AGAP1: variants seen among roughly 807,000 people sequenced by gnomAD.
AGAP1 encodes arf-GAP with GTPase, ANK repeat and PH domain-containing protein 1.
In AGAP1, 29 loss-of-function variants were observed where a neutral mutation model predicts 105.3. The observed-to-expected ratio is 0.28, with a 90% CI of 0.21 to 0.38. AGAP1 has a LOEUF of 0.38. AGAP1 is among the 10% of genes least tolerant of loss of function. The pLI, the probability that AGAP1 is intolerant of heterozygous loss-of-function variation, is 1.00. For missense variants in AGAP1, 998 were observed against 1,165.1 expected (o/e 0.86, Z 2.09); for synonymous variants, 509 against 485.9 (o/e 1.05, Z -0.63).
intron 6 of AGAP1, among the ~76,000 whole-genome samples, chr2:235,790,108 CA>C (rs34818644): frequency 3.3e-5 from 5 of 151,464 alleles, no homozygotes; most frequent in African/African-American, 7.3e-5. Flanking sequence ...AAGGTAGTGG[CA>C]AAAAAAATGA....
intron 13 of AGAP1, among the ~76,000 whole-genome samples, chr2:236,018,397 T>C (rs1270808533): frequency 1.3e-5 from 2 of 152,236 alleles, no homozygotes; most frequent in Admixed American, 1.3e-4. Flanking sequence ...GTGGACGTTG[T>C]GCAGGAGGAA....
At position 235,751,405 on chromosome 2, in the gene AGAP1, G is replaced by T. The variant is rs991967325; in HGVS notation, c.673+917G>T. ...CCTGTCCCCCTGCTCTGGTGCCCAG[G>T]GGGTTGTCGGGGGCAGAGCAGGGCA... On this transcript the variant is annotated intron_variant, in intron 6 of 17. Coordinates refer to ENST00000304032, the MANE Select transcript of AGAP1 (RefSeq NM_001037131.3). The surrounding 1 kb of genome is among the most constrained non-coding windows in gnomAD (Gnocchi z 5.3). Among the ~76,000 whole-genome samples the T allele has an allele frequency of 6.6e-6, 1 of 152,054 alleles. No individual in the cohort carries two copies. Among genetic ancestry groups the T allele is most frequent in the Non-Finnish European group, 1.5e-5 (1 of 68,002 alleles).
At position 235,971,784 on chromosome 2, in the gene AGAP1, T is replaced by TTGATTGATTG. The variant is rs1559711563; in HGVS notation, c.1645+3161_1645+3162insTGATTGATTG. Among the ~76,000 whole-genome samples the TTGATTGATTG allele has an allele frequency of 1.3e-5, 2 of 148,150 alleles. No individual in the cohort carries two copies. Among genetic ancestry groups the TTGATTGATTG allele is most frequent in the African/African-American group, 5.0e-5 (2 of 40,182 alleles). ...TTATTTATTTATTTATTTATTTATTTATTGTATTTTTTGAGACAGGTCCTC... is the reference window on the plus strand; with the variant it reads ...TTATTTATTTATTTATTTATTTATTTTGATTGATTGATTGTATTTTTTGAGACAGGTCCTC... On this transcript the variant is annotated intron_variant, in intron 13 of 17. Transcript: ENST00000304032. This position sits in a 1 kb window ranked among gnomAD's most constrained non-coding sequence, Gnocchi z 4.8.
rs2059452639 is a variant in AGAP1 at position 236,105,158 on chromosome 2, CA to C, written c.2115-15033del. Among the ~76,000 whole-genome samples, 1 of 152,160 alleles carries C rather than the reference CA, an allele frequency of 6.6e-6. No individual in the cohort carries two copies. ...GGGCTGACTTTCCAAGCCAGCAAGA[CA>C]TGCATTCAGGCTACCTACAAGGAAA... On this transcript the variant is annotated intron_variant, in intron 16 of 17. Coordinates refer to ENST00000304032, the MANE Select transcript of AGAP1 (RefSeq NM_001037131.3). This position sits in a 1 kb window ranked among gnomAD's most constrained non-coding sequence, Gnocchi z 4.2.
chr2:235,991,953 T>A (rs2055582327), intron 13 of AGAP1, among the ~76,000 whole-genome samples: 1 of 152,224 alleles, frequency 6.6e-6, no homozygotes, highest in African/African-American at 2.4e-5. Context: ...ACGCTTAGAA[T>A]CTTGCTGTCC....
intron 9 of AGAP1, among the ~76,000 whole-genome samples, chr2:235,828,098 G>T (rs1014984932): frequency 6.6e-6 from 1 of 152,192 alleles, no homozygotes; most frequent in Non-Finnish European, 1.5e-5. Flanking sequence ...TTGGTTTCCT[G>T]GGGACAAATG....
rs776111613 is a variant in AGAP1, at chr2:235,934,440, C to G, written c.1483+3517C>G. Among the ~76,000 whole-genome samples, 160 of 152,282 alleles carry G rather than the reference C, an allele frequency of 1.1e-3. No homozygotes were observed. Among genetic ancestry groups the G allele is most frequent in the Non-Finnish European group, 1.6e-3 (108 of 68,026 alleles). On this transcript the variant is annotated intron_variant, in intron 12 of 17. Coordinates refer to ENST00000304032, the MANE Select transcript of AGAP1 (RefSeq NM_001037131.3). The surrounding 1 kb of genome is among the most constrained non-coding windows in gnomAD (Gnocchi z 4.9). ...GTCCCTCTGGTTCGCGTCATTCCCC[C>G]CTTTAGTGTGCTGCTTCGTCAAGTG...
Position 236,107,010 on chromosome 2 carries a change from G to A in AGAP1, c.2115-13182G>A, listed in dbSNP as rs192627048. 7.9e-5 allele frequency among the ~76,000 whole-genome samples: 12 copies of A among 152,296 alleles called. No individual in the cohort carries two copies. In the East Asian group the frequency reaches 2.3e-3, roughly 29 times the overall value. ...GGAGGCTCAATGAGAGAGCACCCTGGGTAGGGTCTGGACCTGCTGTGTGGG... is the reference window on the plus strand; with the variant it reads ...GGAGGCTCAATGAGAGAGCACCCTGAGTAGGGTCTGGACCTGCTGTGTGGG... On this transcript the variant is annotated intron_variant, in intron 16 of 17. Transcript: ENST00000304032.
At position 235,965,261 on chromosome 2, in the gene AGAP1, C is replaced by T. The variant is rs1288344377; in HGVS notation, c.1484-3201C>T. On this transcript the variant is annotated intron_variant, in intron 12 of 17. Transcript: ENST00000304032. The surrounding 1 kb of genome is among the most constrained non-coding windows in gnomAD (Gnocchi z 5.8). The stretch of plus-strand genomic sequence containing the variant: ...CCGGGAAGAGAGGGTCAGGTAGAGC[C>T]AAGCCTGGAACTGGTGTTGGTGTCA... Among the ~76,000 whole-genome samples the T allele has an allele frequency of 6.6e-6, 1 of 152,142 alleles. No homozygotes were observed. Among genetic ancestry groups the T allele is most frequent in the African/African-American group, 2.4e-5 (1 of 41,450 alleles).
In AGAP1 at chr2:235,958,405, G is replaced by A. The variant is rs556882588; in HGVS notation, c.1484-10057G>A. The stretch of plus-strand genomic sequence containing the variant: ...GCTTGCAGAGATCAAGTGCACCTAC[G>A]CCCAGCACCTCCCCCAGCGGACACA... On this transcript the variant is annotated intron_variant, in intron 12 of 17. Coordinates refer to ENST00000304032, the MANE Select transcript of AGAP1 (RefSeq NM_001037131.3). This position sits in a 1 kb window ranked among gnomAD's most constrained non-coding sequence, Gnocchi z 4.1. Among the ~76,000 whole-genome samples the A allele has an allele frequency of 1.6e-4, 24 of 152,022 alleles. No homozygotes were observed. Among genetic ancestry groups the A allele is most frequent in the African/African-American group, 4.8e-4 (20 of 41,402 alleles).
At chr2:236,023,282 G>A (rs967557433) in intron 13 of AGAP1, among the ~76,000 whole-genome samples, 2 of 152,132 alleles carry the variant, frequency 1.3e-5, no homozygotes, top group African/African-American at 4.8e-5. Context: ...GCTTCCCTTT[G>A]TCATCCCGGG....
rs921406156 is a variant in AGAP1, at chr2:235,961,862, C to T, written c.1484-6600C>T. On this transcript the variant is annotated intron_variant, in intron 12 of 17. Coordinates refer to ENST00000304032, the MANE Select transcript of AGAP1 (RefSeq NM_001037131.3). The surrounding 1 kb of genome is among the most constrained non-coding windows in gnomAD (Gnocchi z 5.9). Reference sequence around the variant, plus strand: ...ACAGCCTGGTGACAGAGCAAGACTTCGTCACACACACGCACAAAAAAGTGA... The same window carrying T: ...ACAGCCTGGTGACAGAGCAAGACTTTGTCACACACACGCACAAAAAAGTGA... Among the ~76,000 whole-genome samples the T allele has an allele frequency of 1.1e-4, 17 of 152,174 alleles. No homozygotes were observed. Among genetic ancestry groups the T allele is most frequent in the Admixed American group, 8.5e-4 (13 of 15,282 alleles).
chr2:235,990,548 A>G (rs1445428646), intron 13 of AGAP1, among the ~76,000 whole-genome samples: 1 of 152,204 alleles, frequency 6.6e-6, no homozygotes, highest in Non-Finnish European at 1.5e-5. Flanking sequence ...GACCTCTGCA[A>G]GTGGCCTGGG....
intron 6 of AGAP1, among the ~76,000 whole-genome samples, chr2:235,790,220 CTAAA>C (rs1263024078): frequency 6.6e-6 from 1 of 152,122 alleles, no homozygotes; most frequent in Non-Finnish European, 1.5e-5. Context: ...CGGAGTTTAG[CTAAA>C]ACTGTATCAC....
chr2:235,946,144 C>T (rs2053488812), intron 12 of AGAP1, among the ~76,000 whole-genome samples: 1 of 151,840 alleles, frequency 6.6e-6, no homozygotes, highest in Non-Finnish European at 1.5e-5. Context: ...ATTTAAAATG[C>T]AGATAAGCTC....
intron 11 of AGAP1, among the ~76,000 whole-genome samples, chr2:235,928,223 C>T (rs974101250): frequency 1.1e-4 from 16 of 152,212 alleles, no homozygotes; most frequent in African/African-American, 2.4e-4. Context: ...TCAGAATTCA[C>T]GTGATGAAAG....
rs538497109 is a variant in AGAP1 at position 236,001,607 on chromosome 2, TGA to T, written c.1645+32988_1645+32989del. 6.6e-5 allele frequency among the ~76,000 whole-genome samples: 10 copies of T among 151,926 alleles called. No individual in the cohort carries two copies. In the East Asian group the frequency reaches 1.6e-3, roughly 24 times the overall value. On this transcript the variant is annotated intron_variant, in intron 13 of 17. Transcript: ENST00000304032. This position sits in a 1 kb window ranked among gnomAD's most constrained non-coding sequence, Gnocchi z 4.7. ...TTGCTGAAAGAGTTAATATGGGAAG[TGA>T]GAGGACACAGAGGCCAGGGCCGGGA...
At chr2:236,069,591 CTT>C (rs2058444701) in intron 16 of AGAP1, among the ~76,000 whole-genome samples, 1 of 152,004 alleles carries the variant, frequency 6.6e-6, no homozygotes, top group Non-Finnish European at 1.5e-5. Flanking sequence ...GCCTGGCTAA[CTT>C]TTGTATTTTT....
Position 235,659,278 on chromosome 2 carries a change from C to G in AGAP1, c.164-49901C>G, listed in dbSNP as rs80351478. Among the ~76,000 whole-genome samples, 9 of 152,098 alleles carry G rather than the reference C, an allele frequency of 5.9e-5. No homozygotes were observed. The highest frequency in any genetic ancestry group is 7.4e-5 in the Non-Finnish European group (5 of 68,018). On this transcript the variant is annotated intron_variant, in intron 1 of 17. Transcript: ENST00000304032. This position sits in a 1 kb window ranked among gnomAD's most constrained non-coding sequence, Gnocchi z 5.0. Reference sequence around the variant, plus strand: ...TTATGTCTTTCTATGTCTGTAAAATCGGGATAATAATAGTACCTACCTCTC... The same window carrying G: ...TTATGTCTTTCTATGTCTGTAAAATGGGGATAATAATAGTACCTACCTCTC...
Sources: gnomAD v4.1 joint callset for allele counts (sites outside exome capture counted in the v4.1 genomes callset) on GRCh38, gnomAD v4.1.1 for gene constraint, Gnocchi (gnomAD v3.1) non-coding constraint, MANE v1.5 for transcripts, NCBI Gene and HGNC (gene_info 2026-07-23, HGNC 2026-07-21) for gene names.